DHX8: variants seen among roughly 807,000 people sequenced by gnomAD.
DHX8 encodes the protein DEAH-box helicase 8.
In DHX8, 67 loss-of-function variants were observed where a neutral mutation model predicts 140.7. The ratio of observed to expected loss-of-function variants is 0.48; its 90% CI spans 0.39 to 0.58. DHX8 has a LOEUF of 0.58. DHX8 is among the 20% of genes least tolerant of loss of function. The pLI, the probability that DHX8 is intolerant of heterozygous loss-of-function variation, is 0.00. For missense variants in DHX8, 887 were observed against 1,550.7 expected (o/e 0.57, Z 7.19); for synonymous variants, 533 against 553.2 (o/e 0.96, Z 0.51).
At chr17:43,494,349 T>C (rs1968719808) in intron 8 of DHX8, among the ~76,000 whole-genome samples, 2 of 152,168 alleles carry the variant, frequency 1.3e-5, no homozygotes, top group Non-Finnish European at 2.9e-5. Flanking sequence ...CGTGTAATCC[T>C]TAGCTAAGCT....
chr17:43,528,486 C>T (rs1459826937), downstream of DHX8: 1 of 1,453,578 alleles, frequency 6.9e-7, no homozygotes, highest in Non-Finnish European at 9.5e-7. Context: ...CAGGGCAGCA[C>T]CCACCTGCGG....
At chr17:43,530,829 C>A (rs1379307619), downstream of DHX8, among the ~76,000 whole-genome samples, 1 of 152,090 alleles carries the variant, frequency 6.6e-6, no homozygotes, top group Non-Finnish European at 1.5e-5. Context: ...CCCGCCCTCC[C>A]CCCACTGCAC....
intron 1 of DHX8, among the ~76,000 whole-genome samples, chr17:43,484,648 G>A (rs528445278): frequency 2.6e-5 from 4 of 152,204 alleles, no homozygotes; most frequent in East Asian, 1.9e-4. Context: ...CGTTCATCCT[G>A]TACTCTTTTT....
At chr17:43,530,083 G>A (rs776505043), downstream of DHX8, 3 of 1,608,360 alleles carry the variant, frequency 1.9e-6, no homozygotes, top group Non-Finnish European at 2.5e-6. Context: ...GGAGGGCTTG[G>A]CAGGGGAAGG....
intron 3 of DHX8, chr17:43,536,560 T>C: frequency 7.9e-7 from 1 of 1,262,220 alleles, no homozygotes; most frequent in Non-Finnish European, 1.2e-6. Context: ...GCCCTGCAGA[T>C]TAGCAACAGC....
At chr17:43,504,560 G>A (rs1243237491) in intron 11 of DHX8, 84 bp from the exon 12 acceptor site, 1 of 1,373,780 alleles carries the variant, frequency 7.3e-7, no homozygotes, top group African/African-American at 1.5e-5. Flanking sequence ...TGCATGTGCA[G>A]TGCCCGCATG....
intron 3 of DHX8, among the ~76,000 whole-genome samples, chr17:43,542,181 T>C (rs1469275441): frequency 6.6e-6 from 1 of 152,114 alleles, no homozygotes; most frequent in Admixed American, 6.5e-5. Context: ...ATCGATCCCT[T>C]TGAGAATCTG....
At chr17:43,515,754 A>G (rs1970081033) in intron 17 of DHX8, among the ~76,000 whole-genome samples, 1 of 152,100 alleles carries the variant, frequency 6.6e-6, no homozygotes. Flanking sequence ...CCTGATTTGG[A>G]GAGAGACATG....
chr17:43,530,145 T>A (rs750690248), downstream of DHX8: 8 of 1,564,280 alleles, frequency 5.1e-6, no homozygotes, highest in African/African-American at 1.4e-5. Context: ...AGAGAAGCCC[T>A]CTGTGTGGAG....
chr17:43,489,515 A>ATGGTACCGT lies in DHX8; in HGVS notation c.215_216insTGGTACCGT (p.Lys72delinsAsnGlyThrVal). ...GATACTTTTAAGGCTTCTCTCGTCA[A>ATGGTACCGT]AAATGGTGCAGAATTTACGGTATGT... On this transcript the variant is annotated protein_altering_variant, in exon 2 of 23. Transcript: ENST00000262415. 1 of 1,607,266 alleles carries ATGGTACCGT rather than the reference A, an allele frequency of 6.2e-7. No individual in the cohort carries two copies. Among genetic ancestry groups the ATGGTACCGT allele is most frequent in the Non-Finnish European group, 8.5e-7 (1 of 1,176,670 alleles).
At chr17:43,529,188 C>T (rs1567705535), downstream of DHX8, 3 of 1,613,932 alleles carry the variant, frequency 1.9e-6, no homozygotes, top group East Asian at 2.2e-5. Flanking sequence ...CTCAGCTTGT[C>T]GTAATTCATG....
chr17:43,513,476 C>T lies in DHX8; in HGVS notation c.2617C>T (p.Gln873Ter). Reference sequence around the variant, plus strand: ...TTACAATTCCAAGACAGGGATTGACCAGCTCGTGGTGACGCCTATTTCTCA... The same window carrying T: ...TTACAATTCCAAGACAGGGATTGACTAGCTCGTGGTGACGCCTATTTCTCA... ...KVYNSKTGID[Q>*]LVVTPISQAQ... The change falls in exon 17 of 23, where the codon CAG becomes TAG. Residue 873 changes from glutamine (Q) to a stop codon, truncating the protein, a stop_gained. Transcript: ENST00000262415. LOFTEE classifies it high-confidence loss of function. 1.2e-6 allele frequency: 2 copies of T among 1,613,948 alleles called. No individual in the cohort carries two copies. Among genetic ancestry groups the T allele is most frequent in the Non-Finnish European group, 1.7e-6 (2 of 1,179,908 alleles).
chr17:43,539,591 C>T (rs910924613), intron 3 of DHX8, among the ~76,000 whole-genome samples: 4 of 152,214 alleles, frequency 2.6e-5, no homozygotes, highest in Admixed American at 6.5e-5. Flanking sequence ...TTAGAGTAGA[C>T]GCTCAGTGCT....
At chr17:43,517,125 G>C in intron 17 of DHX8, 42 bp from the exon 18 acceptor site, 1 of 1,575,442 alleles carries the variant, frequency 6.3e-7, no homozygotes, top group Non-Finnish European at 8.6e-7. Context: ...CTGTTAAGCA[G>C]TGTTTAACAG....
At position 43,543,353 on chromosome 17, in the gene DHX8, C is replaced by CG. The variant is rs541080790; in HGVS notation, c.*21-809_*21-808insG. Among the ~76,000 whole-genome samples the CG allele has an allele frequency of 3.6e-3, 555 of 152,120 alleles. 13 individuals are homozygous for CG. The highest frequency in any genetic ancestry group is 0.031 in the Admixed American group (481 of 15,274). ...ACACAGACAGACATTTGTACCCTCTCCAGACCCCTGGCCAAGGGGTGGGAC... is the reference window on the plus strand; with the variant it reads ...ACACAGACAGACATTTGTACCCTCTCGCAGACCCCTGGCCAAGGGGTGGGAC... On this transcript the variant is annotated intron_variant, in intron 3 of 3. Transcript: ENST00000589898.
chr17:43,535,476 C>G (rs1416035420), intron 2 of DHX8, among the ~76,000 whole-genome samples: 1 of 152,148 alleles, frequency 6.6e-6, no homozygotes, highest in Non-Finnish European at 1.5e-5. Context: ...GGAATTTCAT[C>G]ATGTTGGCCA....
At chr17:43,526,309 C>A (rs1447491844), downstream of DHX8, 2 of 1,414,426 alleles carry the variant, frequency 1.4e-6, no homozygotes, top group African/African-American at 1.4e-5. Flanking sequence ...TATTGTTCAC[C>A]CCCACCCCGC....
intron 17 of DHX8, among the ~76,000 whole-genome samples, chr17:43,514,064 A>G (rs930228898): frequency 6.6e-6 from 1 of 151,764 alleles, no homozygotes; most frequent in African/African-American, 2.4e-5. Context: ...CCGTAAGGCC[A>G]GACACCTTGG....
At chr17:43,539,622 A>G (rs1036506492) in intron 3 of DHX8, among the ~76,000 whole-genome samples, 5 of 152,200 alleles carry the variant, frequency 3.3e-5, no homozygotes, top group African/African-American at 1.2e-4. Flanking sequence ...GACTACATGA[A>G]TAAACATGCA....
Sources: allele counts gnomAD v4.1 joint callset (sites outside exome capture counted in the v4.1 genomes callset), GRCh38; gene constraint gnomAD v4.1.1; transcripts MANE v1.5; gene names NCBI Gene and HGNC (gene_info 2026-07-23, HGNC 2026-07-21).